The following LDHA variants were observed in gnomAD, a reference collection of about 807,000 sequenced individuals.
LDHA encodes lactate dehydrogenase A.
In LDHA, 10 loss-of-function variants were observed where a neutral mutation model predicts 36.3. That is an observed-to-expected ratio of 0.28 (90% CI 0.17 to 0.47). LDHA has a LOEUF of 0.47. Among genes scored for constraint, LDHA ranks in the 20% least tolerant of loss-of-function variants. LDHA has a pLI of 0.99. For synonymous variants in LDHA, 110 were observed against 136.7 expected (o/e 0.80, Z 1.36); for missense variants, 267 against 405.8 (o/e 0.66, Z 2.94).
rs148186234 is a variant in LDHA, at chr11:18,402,978, A to G, written c.557A>G (p.His186Arg). The G allele has an allele frequency of 6.2e-7, 1 of 1,613,772 alleles. No individual in the cohort carries two copies. Residue 186 changes from histidine (H) to arginine (R), a missense_variant, in exon 5 of 8, where the codon CAT becomes CGT. Coordinates refer to ENST00000422447, the MANE Select transcript of LDHA (RefSeq NM_005566.4). ...CTGGGAGTTCACCCATTAAGCTGTC[A>G]TGGGTGGGTCCTTGGGGAACATGGA... Reference protein sequence around the residue: ...ERLGVHPLSCHGWVLGEHGDS... With the variant: ...ERLGVHPLSCRGWVLGEHGDS...
At position 18,399,414 on chromosome 11, in the gene LDHA, G is replaced by T; in HGVS notation, c.127-17G>T. Reference sequence around the variant, plus strand: ...AGTGGCAATTTTCCATTTAACTAAAGATTTGATGTCTTTTAGGACTTGGCA... The same window carrying T: ...AGTGGCAATTTTCCATTTAACTAAATATTTGATGTCTTTTAGGACTTGGCA... On this transcript the variant is annotated splice_polypyrimidine_tract_variant and intron_variant, in intron 2 of 7. Transcript: ENST00000422447. 1 of 1,560,710 alleles carries T rather than the reference G, an allele frequency of 6.4e-7. No individual in the cohort carries two copies. The highest frequency in any genetic ancestry group is 1.1e-5 in the South Asian group (1 of 89,980).
chr11:18,404,453 T>G (rs1866604867), intron 6 of LDHA, among the ~76,000 whole-genome samples: 1 of 151,724 alleles, frequency 6.6e-6, no homozygotes, highest in African/African-American at 2.4e-5. Flanking sequence ...TAGGGAAGCT[T>G]TCAACTTGGT....
rs202202736 is a variant in LDHA, at chr11:18,405,430, A to G, written c.711-19A>G. The stretch of plus-strand genomic sequence containing the variant: ...CACCCTGCTTTTTCTGCCTTTACCT[A>G]TGGTTTCCTATCATACAGTGCTTAT... On this transcript the variant is annotated intron_variant, in intron 6 of 7. Coordinates refer to ENST00000422447, the MANE Select transcript of LDHA (RefSeq NM_005566.4). 1.4e-5 allele frequency: 23 copies of G among 1,611,968 alleles called. No individual in the cohort carries two copies. The Admixed American group carries it at 1.5e-4, about 11-fold the overall frequency.
chr11:18,407,824 C>T lies in LDHA; in HGVS notation c.*543C>T, dbSNP rs773810823. ...TATCCAAGTGTTATACCAACTAAAA[C>T]CCCCAATAAACCTTGAACAGTGACT... On this transcript the variant is annotated 3_prime_UTR_variant, in exon 8 of 8. Transcript: ENST00000422447. The T allele has an allele frequency of 4.2e-5, 19 of 454,744 alleles. 1 individual carries two copies. The highest frequency in any genetic ancestry group is 2.9e-4 in the South Asian group (19 of 64,468). The allele number at this position is 454,744 out of a possible 1,614,324, so 28.2% of individuals were successfully genotyped here.
rs774677714 is a variant in LDHA at position 18,407,458 on chromosome 11, A to G, written c.*177A>G. ...AGAATGGTTTGTAAAATCCACAGCTATATCCTGATGCTGGATGGTATTAAT... is the reference window on the plus strand; with the variant it reads ...AGAATGGTTTGTAAAATCCACAGCTGTATCCTGATGCTGGATGGTATTAAT... On this transcript the variant is annotated 3_prime_UTR_variant, in exon 8 of 8. Transcript: ENST00000422447. The G allele has an allele frequency of 4.8e-6, 6 of 1,249,904 alleles. No homozygotes were observed. Among genetic ancestry groups the G allele is most frequent in the African/African-American group, 3.0e-5 (2 of 67,090 alleles). The allele number at this position is 1,249,904 out of a possible 1,614,324, so 77.4% of individuals were successfully genotyped here.
At chr11:18,401,955 CTTTTTTTT>C (rs1554961218) in intron 4 of LDHA, among the ~76,000 whole-genome samples, 1 of 52,256 alleles carries the variant, frequency 1.9e-5, no homozygotes, top group Admixed American at 3.1e-4. Context: ...TTGTTATTCT[CTTTTTTTT>C]TTTTTTTTTT....
chr11:18,407,456 C>T lies in LDHA; in HGVS notation c.*175C>T, dbSNP rs886048089. 15 of 1,283,078 alleles carry T rather than the reference C, an allele frequency of 1.2e-5. No individual in the cohort carries two copies. In the East Asian group the frequency reaches 3.8e-4, roughly 32 times the overall value. 79.5% of individuals were successfully genotyped at this position (1,283,078 alleles called of 1,614,324 possible). A position where few individuals can be genotyped will look rare whatever the true frequency, so the allele number is the denominator to read the frequency against. On this transcript the variant is annotated 3_prime_UTR_variant, in exon 8 of 8. Coordinates refer to ENST00000422447, the MANE Select transcript of LDHA (RefSeq NM_005566.4). ...TAAGAATGGTTTGTAAAATCCACAG[C>T]TATATCCTGATGCTGGATGGTATTA...
intron 7 of LDHA, among the ~76,000 whole-genome samples, chr11:18,406,044 CA>C (rs1456992902): frequency 1.3e-5 from 2 of 152,188 alleles, no homozygotes; most frequent in Non-Finnish European, 2.9e-5. Flanking sequence ...CGGCTCACCG[CA>C]ACCTCTGCCT....
intron 4 of LDHA, 52 bp downstream of exon 4, chr11:18,401,062 A>G (rs765134847): frequency 8.1e-6 from 7 of 864,944 alleles, no homozygotes; most frequent in Non-Finnish European, 1.1e-5. Context: ...AACTGATAGT[A>G]TATGATATAT....
intron 7 of LDHA, 100 bp from the exon 8 acceptor site, chr11:18,407,016 TA>T (rs1045907225): frequency 6.9e-3 from 5,786 of 841,660 alleles, no homozygotes; most frequent in East Asian, 8.9e-3. Flanking sequence ...AAAAAAAAAT[TA>T]AAAAAAAAAA....
At position 18,408,087 on chromosome 11, in the gene LDHA, TCTA is replaced by T. The variant is rs1173453743; in HGVS notation, c.*807_*809del. On this transcript the variant is annotated 3_prime_UTR_variant, in exon 8 of 8. Transcript: ENST00000422447. The stretch of plus-strand genomic sequence containing the variant: ...GCTAATCATAATTGGAAAGTAACAT[TCTA>T]TATGTAAATGTAAAATTTATTTGCC... 2 of 454,008 alleles carry T rather than the reference TCTA, an allele frequency of 4.4e-6. No homozygotes were observed. The highest frequency in any genetic ancestry group is 8.8e-6 in the Non-Finnish European group (2 of 226,754). The allele number at this position is 454,008 out of a possible 1,614,324, so 28.1% of individuals were successfully genotyped here.
intron 4 of LDHA, 165 bp downstream of exon 4, chr11:18,401,175 G>GT: frequency 3.4e-6 from 1 of 293,184 alleles, no homozygotes; most frequent in Non-Finnish European, 5.3e-6. Flanking sequence ...TTGAGGCGGA[G>GT]TTTTGCTCTT....
chr11:18,399,440 G>C lies in LDHA; in HGVS notation c.136G>C (p.Asp46His), dbSNP rs1315471901. The C allele has an allele frequency of 6.2e-7, 1 of 1,610,142 alleles. No homozygotes were observed. Among genetic ancestry groups the C allele is most frequent in the Admixed American group, 1.7e-5 (1 of 60,004 alleles). Residue 46 changes from aspartate to histidine, a missense_variant, in exon 3 of 8, where the codon GAT becomes CAT. By Grantham distance (81) the Asp-to-His change is moderately conservative. Transcript: ENST00000422447. ...AISILMKDLA[D>H]ELALVDVIED... is the part of the protein sequence containing the mutation. Reference sequence around the variant, plus strand: ...ATTTGATGTCTTTTAGGACTTGGCAGATGAACTTGCTCTTGTTGATGTCAT... The same window carrying C: ...ATTTGATGTCTTTTAGGACTTGGCACATGAACTTGCTCTTGTTGATGTCAT...
At chr11:18,403,411 C>A (rs1590215481) in intron 5 of LDHA, among the ~76,000 whole-genome samples, 1 of 152,226 alleles carries the variant, frequency 6.6e-6, no homozygotes, top group Non-Finnish European at 1.5e-5. Context: ...GCTAAGAAAA[C>A]CCCCCTTATG....
chr11:18,407,033 A>C, intron 7 of LDHA, 84 bp from the exon 8 acceptor site: 1 of 1,053,672 alleles, frequency 9.5e-7, no homozygotes, highest in Non-Finnish European at 1.4e-6. Flanking sequence ...AAAAAGCTTT[A>C]TAATTATAGA....
intron 4 of LDHA, 142 bp from the exon 5 acceptor site, chr11:18,402,698 T>C (rs934913659): frequency 3.1e-5 from 22 of 708,122 alleles, no homozygotes; most frequent in Non-Finnish European, 4.8e-5. Flanking sequence ...ATCAAGATCC[T>C]GAAAAGCCAT....
chr11:18,403,046 A>G (rs1266992036), intron 5 of LDHA, 33 bp downstream of exon 5: 18 of 1,575,918 alleles, frequency 1.1e-5, no homozygotes, highest in Non-Finnish European at 1.6e-5. Flanking sequence ...TTGTTTTTGA[A>G]AAGATTATAT....
chr11:18,395,975 C>T (rs1180118251), intron 1 of LDHA, among the ~76,000 whole-genome samples: 1 of 152,256 alleles, frequency 6.6e-6, no homozygotes. Flanking sequence ...AAGTCTGGCG[C>T]TGGCTGCGCG....
At chr11:18,402,088 T>C (rs1866530484) in intron 4 of LDHA, among the ~76,000 whole-genome samples, 1 of 151,274 alleles carries the variant, frequency 6.6e-6, no homozygotes, top group Non-Finnish European at 1.5e-5. Flanking sequence ...TCCCAAGAGC[T>C]GGGATTACAG....
Sources: allele counts gnomAD v4.1 joint callset (sites outside exome capture counted in the v4.1 genomes callset), GRCh38; gene constraint gnomAD v4.1.1; transcripts MANE v1.5; gene names NCBI Gene and HGNC (gene_info 2026-07-23, HGNC 2026-07-21).